The following METTL22 variants were observed in gnomAD, a reference collection of about 807,000 sequenced individuals.
METTL22 encodes the protein methyltransferase 22, Kin17 lysine, also known as methyltransferase-like protein 22.
A neutral mutation model predicts 48.4 loss-of-function variants in METTL22; 51 were observed. The observed-to-expected ratio is 1.05, with a 90% CI of 0.84 to 1.33. METTL22 has a LOEUF of 1.33. Among genes scored for constraint, METTL22 ranks in the 40% most tolerant of loss-of-function variants. METTL22 has a pLI of 0.00. For missense variants in METTL22, 678 were observed against 526.9 expected, an observed-to-expected ratio of 1.29 and a Z score of -2.81; for synonymous variants, 255 against 214.1, an observed-to-expected ratio of 1.19 and a Z score of -1.67.
At chr16:8,660,781 G>A in the METTL22 span, among the ~76,000 whole-genome samples, 1 of 812 alleles carries the variant, frequency 1.2e-3, no homozygotes, top group Non-Finnish European at 2.7e-3. Context: ...GGCAAGTCTT[G>A]GAGGAGGAGG....
At chr16:8,652,458 CAAAAAAA>C (rs3058559), downstream of METTL22, among the ~76,000 whole-genome samples, 6 of 46,144 alleles carry the variant, frequency 1.3e-4, no homozygotes, top group African/African-American at 1.8e-4. Flanking sequence ...GACTCCGTCT[CAAAAAAA>C]AAAAAAAAAA....
Position 8,625,597 on chromosome 16 carries a change from C to G in METTL22, c.-69C>G. ...CTGTCTGCAGTATCTCCTCTGGGAC[C>G]TGCCATGCTGAGGACCCATTCTCAC... is the stretch of plus-strand genomic sequence containing the variant. On this transcript the variant is annotated 5_prime_UTR_variant, in exon 2 of 11. Transcript: ENST00000381920. 1 of 1,559,562 alleles carries G rather than the reference C, an allele frequency of 6.4e-7. No homozygotes were observed. Among genetic ancestry groups the G allele is most frequent in the Admixed American group, 1.7e-5 (1 of 58,078 alleles).
Position 8,644,626 on chromosome 16 carries a change from C to A in METTL22, c.1080C>A (p.His360Gln), listed in dbSNP as rs780752701. The A allele has an allele frequency of 2.4e-5, 39 of 1,605,918 alleles. No individual in the cohort carries two copies. Among genetic ancestry groups the A allele is most frequent in the Non-Finnish European group, 3.3e-5 (39 of 1,176,336 alleles). Residue 360 changes from histidine (H) to glutamine (Q), a missense_variant, in exon 10 of 11, where the codon CAC becomes CAA. His to Gln is a conservative substitution (Grantham distance 24, BLOSUM62 0). Coordinates refer to ENST00000381920, the MANE Select transcript of METTL22 (RefSeq NM_024109.4). ...ACGATCACTTCCGCTCCTGCCTGCA[C>A]GCGCTGGAGCAGCTCGCAGATGGCA... ...EAYDHFRSCLHALEQLADGKL... is the reference protein window; with the variant it reads ...EAYDHFRSCLQALEQLADGKL...
intron 2 of METTL22, 97 bp from the exon 3 acceptor site, chr16:8,628,633 C>G: frequency 1.4e-6 from 2 of 1,470,376 alleles, no homozygotes; most frequent in Non-Finnish European, 1.8e-6. Flanking sequence ...CTTTAAAAAT[C>G]TTTCCTATTG....
chr16:8,651,388 A>AAAAAAAAAAAC (rs1555478720), downstream of METTL22, among the ~76,000 whole-genome samples: 3 of 145,786 alleles, frequency 2.1e-5, no homozygotes, highest in Non-Finnish European at 4.5e-5. Flanking sequence ...CTCTGTCTCA[A>AAAAAAAAAAAC]AAAAAAAAAA....
Position 8,646,603 on chromosome 16 carries a change from A to G in METTL22, c.*460A>G, listed in dbSNP as rs1426200673. 8.7e-6 allele frequency: 4 copies of G among 461,024 alleles called. No homozygotes were observed. The highest frequency in any genetic ancestry group is 3.2e-4 in the Middle Eastern group (1 of 3,100). 28.6% of individuals were successfully genotyped at this position (461,024 alleles called of 1,614,324 possible). A position where few individuals can be genotyped will look rare whatever the true frequency, so the allele number is the denominator to read the frequency against. ...GCCTCATTTCCTCCCAGGGTTGGGT[A>G]TGCTCCACCCCATCACTCTGGTGAG... On this transcript the variant is annotated 3_prime_UTR_variant, in exon 11 of 11. Coordinates refer to ENST00000381920, the MANE Select transcript of METTL22 (RefSeq NM_024109.4).
intron 8 of METTL22, 114 bp from the exon 9 acceptor site, chr16:8,642,349 A>C: frequency 7.9e-7 from 1 of 1,267,624 alleles, no homozygotes; most frequent in Admixed American, 1.7e-5. Flanking sequence ...TAATTCTGGA[A>C]GCTGCTGCTG....
At chr16:8,643,161 G>A (rs949068197) in intron 9 of METTL22, among the ~76,000 whole-genome samples, 13 of 152,292 alleles carry the variant, frequency 8.5e-5, no homozygotes, top group Admixed American at 5.2e-4. Context: ...GCTGTAAAAC[G>A]AAACAGACTT....
chr16:8,627,785 A>C (rs1398289981), intron 2 of METTL22, among the ~76,000 whole-genome samples: 1 of 152,066 alleles, frequency 6.6e-6, no homozygotes, highest in Non-Finnish European at 1.5e-5. Flanking sequence ...TCATTCTGTC[A>C]CCCAAGCTGG....
At chr16:8,639,369 T>C in intron 6 of METTL22, 1 of 596,004 alleles carries the variant, frequency 1.7e-6, no homozygotes, top group South Asian at 1.9e-5. Context: ...CCAGATCCAC[T>C]GCGTCATCCT....
the METTL22 span, among the ~76,000 whole-genome samples, chr16:8,661,453 T>C: frequency 2.6e-4 from 38 of 145,626 alleles, 4 homozygotes; most frequent in African/African-American, 8.5e-4. Context: ...GAGACCATCC[T>C]GGCTAAAATG....
At chr16:8,626,905 T>C (rs2056080436) in intron 2 of METTL22, among the ~76,000 whole-genome samples, 2 of 151,676 alleles carry the variant, frequency 1.3e-5, no homozygotes, top group Admixed American at 1.3e-4. Flanking sequence ...TAGCTGGGAC[T>C]ACAGGCACCC....
At chr16:8,632,226 A>G (rs561176074) in intron 3 of METTL22, 1 of 152,230 alleles carries the variant, frequency 6.6e-6, no homozygotes, top group South Asian at 2.1e-4. Context: ...TCTTCCTTTG[A>G]TCCATCCCTG....
intron 6 of METTL22, among the ~76,000 whole-genome samples, chr16:8,639,980 C>G (rs755068808): frequency 2.0e-5 from 3 of 152,164 alleles, no homozygotes; most frequent in Non-Finnish European, 4.4e-5. Context: ...GCTCTGCCGT[C>G]CCTCCTCCCG....
chr16:8,628,639 T>C (rs1745218392), intron 2 of METTL22, 91 bp from the exon 3 acceptor site: 4 of 1,487,552 alleles, frequency 2.7e-6, no homozygotes, highest in Non-Finnish European at 3.6e-6. Context: ...AAATCTTTCC[T>C]ATTGGTAATC....
At chr16:8,624,223 C>G (rs1244083660) in intron 1 of METTL22, 2 of 152,138 alleles carry the variant, frequency 1.3e-5, no homozygotes, top group Admixed American at 1.3e-4. Context: ...GGAGGGAGGT[C>G]CCACCTGTTC....
Position 8,642,155 on chromosome 16 carries a change from AGAG to A in METTL22, c.858_860del (p.Glu287del). On this transcript the variant is annotated inframe_deletion, in exon 8 of 11. Transcript: ENST00000381920. The stretch of plus-strand genomic sequence containing the variant: ...CCAAGGTCCCCTTCAGTTGGTCACA[AGAG>A]GAAATTTCTGACTTGTACGATCACA... 1 of 1,613,846 alleles carries A rather than the reference AGAG, an allele frequency of 6.2e-7. No homozygotes were observed. Among genetic ancestry groups the A allele is most frequent in the Non-Finnish European group, 8.5e-7 (1 of 1,179,744 alleles).
Position 8,649,087 on chromosome 16 carries a change from AG to A in METTL22, c.*2945del, listed in dbSNP as rs1165596198. On this transcript the variant is annotated 3_prime_UTR_variant, in exon 11 of 11. Transcript: ENST00000381920. ...TCAGCACTAATGGTGACAATTTCCTAGCACTCCTGGGTACAAGTCCATAAAT... is the reference window on the plus strand; with the variant it reads ...TCAGCACTAATGGTGACAATTTCCTACACTCCTGGGTACAAGTCCATAAAT... 5 of 152,242 alleles carry A rather than the reference AG, an allele frequency of 3.3e-5. No individual in the cohort carries two copies. The highest frequency in any genetic ancestry group is 1.2e-4 in the African/African-American group (5 of 41,458). The allele number at this position is 152,242 out of a possible 1,614,324, so 9.4% of individuals were successfully genotyped here. A position where few individuals can be genotyped will look rare whatever the true frequency, so the allele number is the denominator to read the frequency against.
the METTL22 span, among the ~76,000 whole-genome samples, chr16:8,659,363 C>A: frequency 6.6e-6 from 1 of 151,422 alleles, no homozygotes; most frequent in East Asian, 1.9e-4. Context: ...GTATGATAAT[C>A]ATCCATCCTT....
Sources: allele counts gnomAD v4.1 joint callset (sites outside exome capture counted in the v4.1 genomes callset), GRCh38; gene constraint gnomAD v4.1.1; transcripts MANE v1.5; gene names NCBI Gene and HGNC (gene_info 2026-07-23, HGNC 2026-07-21).